The following HS3ST3A1 variants were observed in gnomAD, a reference collection of about 807,000 sequenced individuals.
The protein encoded by HS3ST3A1 is heparan sulfate glucosamine 3-O-sulfotransferase 3A1.
Under a neutral mutation model 25.7 loss-of-function variants are expected in HS3ST3A1, and 19 were observed. The observed-to-expected ratio is 0.74, with a 90% confidence interval of 0.52 to 1.08. The LOEUF is 1.08. HS3ST3A1 is among the 50% of genes least tolerant of loss of function. The pLI is 0.00. For missense variants in HS3ST3A1, 459 were observed against 594.3 expected, an observed-to-expected ratio of 0.77 and a Z score of 2.37; for synonymous variants, 226 against 278.6, an observed-to-expected ratio of 0.81 and a Z score of 1.88.
intron 1 of HS3ST3A1, among the ~76,000 whole-genome samples, chr17:13,589,302 G>T (rs926522478): frequency 1.3e-5 from 2 of 152,124 alleles, no homozygotes; most frequent in African/African-American, 4.8e-5. Flanking sequence ...TTTCTCCAAG[G>T]CCTGTTCTCC....
At chr17:13,515,662 A>C (rs923269992) in intron 1 of HS3ST3A1, among the ~76,000 whole-genome samples, 2 of 152,090 alleles carry the variant, frequency 1.3e-5, no homozygotes, top group Non-Finnish European at 2.9e-5. Flanking sequence ...AATAGTAAGG[A>C]GCAAAATTGC....
At chr17:13,513,193 G>A (rs1317040052) in intron 1 of HS3ST3A1, among the ~76,000 whole-genome samples, 3 of 152,204 alleles carry the variant, frequency 2.0e-5, no homozygotes, top group Non-Finnish European at 4.4e-5. Flanking sequence ...GCCTGGGGCT[G>A]TCAGGAGCTA....
At chr17:13,499,891 A>G (rs1212843621) in intron 1 of HS3ST3A1, among the ~76,000 whole-genome samples, 1 of 152,166 alleles carries the variant, frequency 6.6e-6, no homozygotes, top group Non-Finnish European at 1.5e-5. Flanking sequence ...GGGCTTAACT[A>G]TAAGCTACCT....
At chr17:13,498,621 G>T (rs1905357450) in intron 1 of HS3ST3A1, among the ~76,000 whole-genome samples, 1 of 152,230 alleles carries the variant, frequency 6.6e-6, no homozygotes, top group African/African-American at 2.4e-5. Flanking sequence ...TAGAAGGAAG[G>T]AAGGCATGTG....
At chr17:13,568,110 C>T (rs562332741) in intron 1 of HS3ST3A1, among the ~76,000 whole-genome samples, 1 of 152,142 alleles carries the variant, frequency 6.6e-6, no homozygotes, top group Non-Finnish European at 1.5e-5. Context: ...CAACCACTAT[C>T]CTGATTAGTC....
intron 1 of HS3ST3A1, among the ~76,000 whole-genome samples, chr17:13,516,930 C>T (rs1047870487): frequency 5.3e-5 from 8 of 152,216 alleles, no homozygotes; most frequent in South Asian, 4.1e-4. Flanking sequence ...TCGTGACCCG[C>T]CCGCCTCGGC....
intron 1 of HS3ST3A1, among the ~76,000 whole-genome samples, chr17:13,580,447 C>T (rs1414281478): frequency 6.6e-6 from 1 of 151,912 alleles, no homozygotes; most frequent in African/African-American, 2.4e-5. Flanking sequence ...ATCAGATCAG[C>T]AAAACATCAC....
chr17:13,592,044 C>G (rs1387260167), intron 1 of HS3ST3A1, among the ~76,000 whole-genome samples: 1 of 152,128 alleles, frequency 6.6e-6, no homozygotes, highest in Admixed American at 6.5e-5. Flanking sequence ...CTTTCAATCC[C>G]CTGCATCTTT....
At chr17:13,585,227 T>G (rs1164450458) in intron 1 of HS3ST3A1, among the ~76,000 whole-genome samples, 1 of 122,812 alleles carries the variant, frequency 8.1e-6, no homozygotes, top group African/African-American at 3.1e-5. Context: ...TGAGACAGAG[T>G]CTTGCTCTGT....
At chr17:13,552,605 G>T (rs535067578) in intron 1 of HS3ST3A1, among the ~76,000 whole-genome samples, 3 of 152,320 alleles carry the variant, frequency 2.0e-5, no homozygotes, top group Admixed American at 2.0e-4. Context: ...CTTATAAAGA[G>T]AATCCCCATG....
chr17:13,526,957 G>A (rs1906451994), intron 1 of HS3ST3A1, among the ~76,000 whole-genome samples: 1 of 152,114 alleles, frequency 6.6e-6, no homozygotes, highest in Non-Finnish European at 1.5e-5. Context: ...CCGGCCCACA[G>A]TGGTGGTTTT....
chr17:13,533,325 CT>C (rs1165051961), intron 1 of HS3ST3A1, among the ~76,000 whole-genome samples: 1 of 151,870 alleles, frequency 6.6e-6, no homozygotes, highest in East Asian at 1.9e-4. Flanking sequence ...CTTAAGGTGA[CT>C]TTGTAGGTTA....
At chr17:13,510,708 AT>A (rs10709522) in intron 1 of HS3ST3A1, among the ~76,000 whole-genome samples, 44,448 of 144,782 alleles carry the variant, frequency 0.31, 6,717 homozygotes, top group Admixed American at 0.39. Flanking sequence ...AGTGTCCTTG[AT>A]TTTTTTTTTT....
intron 1 of HS3ST3A1, among the ~76,000 whole-genome samples, chr17:13,528,449 G>A (rs967903040): frequency 2.6e-5 from 4 of 152,166 alleles, no homozygotes; most frequent in African/African-American, 9.6e-5. Context: ...GTCAATAGTG[G>A]AACAAGGTGG....
rs894542700 is a variant in HS3ST3A1 at position 13,496,591 on chromosome 17, G to T, written c.827C>A (p.Ala276Glu). ...GCTCCACGACGTGTCGATGAGGCCCGCTGTCCTGTTTTTGAACGTCAAGCT... is the reference window on the plus strand; with the variant it reads ...GCTCCACGACGTGTCGATGAGGCCCTCTGTCCTGTTTTTGAACGTCAAGCT... ...FESLTFKNRT[A>E]GLIDTSWSAI... is the part of the protein sequence containing the mutation. Residue 276 changes from alanine to glutamate, a missense_variant, in exon 2 of 2, where the codon GCG becomes GAG. By Grantham distance (107) the Ala-to-Glu change is moderately radical. This residue lies in a region of HS3ST3A1 where 67 missense variants were observed against 231.4 expected (regional missense o/e 0.29). Coordinates refer to ENST00000284110, the MANE Select transcript of HS3ST3A1 (RefSeq NM_006042.3). 1.9e-6 allele frequency: 3 copies of T among 1,604,272 alleles called. No individual in the cohort carries two copies. The highest frequency in any genetic ancestry group is 2.2e-5 in the East Asian group (1 of 44,602).
intron 1 of HS3ST3A1, among the ~76,000 whole-genome samples, chr17:13,525,990 G>A (rs1328951648): frequency 6.6e-6 from 1 of 152,034 alleles, no homozygotes; most frequent in Non-Finnish European, 1.5e-5. Context: ...GCTGCACTAA[G>A]CCCCCAGCTG....
chr17:13,585,845 T>C (rs1183821341), intron 1 of HS3ST3A1, among the ~76,000 whole-genome samples: 1 of 129,662 alleles, frequency 7.7e-6, no homozygotes, highest in African/African-American at 3.1e-5. Flanking sequence ...TCTGCGTTTT[T>C]TTTTTTTTTT....
intron 1 of HS3ST3A1, among the ~76,000 whole-genome samples, chr17:13,555,438 G>A (rs192640178): frequency 1.3e-5 from 2 of 152,300 alleles, no homozygotes; most frequent in African/African-American, 4.8e-5. Context: ...TTAGCCTGGT[G>A]TTCAACTAGG....
At chr17:13,556,235 C>T (rs1011529045) in intron 1 of HS3ST3A1, among the ~76,000 whole-genome samples, 1 of 152,124 alleles carries the variant, frequency 6.6e-6, no homozygotes, top group Non-Finnish European at 1.5e-5. Flanking sequence ...CGGCCGGGCG[C>T]GGTGGCTCAC....
Sources: allele counts gnomAD v4.1 joint callset (sites outside exome capture counted in the v4.1 genomes callset), GRCh38; gene constraint gnomAD v4.1.1; regional missense constraint gnomAD v4.1.1; transcripts MANE v1.5; gene names NCBI Gene and HGNC (gene_info 2026-07-23, HGNC 2026-07-21).